Variants in RFC2 observed in about 807,000 individuals in gnomAD.
RFC2 encodes the protein replication factor C subunit 2, also known as A1 40 kDa subunit.
A neutral mutation model predicts 44.8 loss-of-function variants in RFC2; 34 were observed. That is an observed-to-expected ratio of 0.76 (90% confidence interval 0.58 to 1.01). RFC2 has a LOEUF of 1.01. Among genes scored for constraint, RFC2 ranks in the 50% least tolerant of loss-of-function variants. RFC2 has a pLI of 0.00. For synonymous variants in RFC2, 177 were observed against 168.9 expected (o/e 1.05, Z -0.37); for missense variants, 400 against 453.6 (o/e 0.88, Z 1.07).
intron 1 of RFC2, among the ~76,000 whole-genome samples, chr7:74,253,125 C>G (rs1332794030): frequency 6.6e-6 from 1 of 152,118 alleles, no homozygotes; most frequent in Non-Finnish European, 1.5e-5. Flanking sequence ...GTCCGCCCGT[C>G]ACAAGAGGCC....
intron 9 of RFC2, 36 bp downstream of exon 9, chr7:74,237,326 C>T (rs370739926): frequency 1.4e-5 from 20 of 1,477,282 alleles, no homozygotes; most frequent in East Asian, 2.3e-5. Flanking sequence ...AAGAAGTGAG[C>T]GGTTCCTCTG....
intron 5 of RFC2, among the ~76,000 whole-genome samples, chr7:74,243,785 C>T (rs762051204): frequency 8.3e-4 from 124 of 150,136 alleles, no homozygotes; most frequent in Non-Finnish European, 1.5e-3. Flanking sequence ...CAAAGTAAGA[C>T]CTCTATTTCT....
intron 6 of RFC2, among the ~76,000 whole-genome samples, chr7:74,240,848 A>T (rs1384271906): frequency 1.3e-5 from 2 of 151,580 alleles, no homozygotes; most frequent in Non-Finnish European, 2.9e-5. Context: ...CTGCTCTCGA[A>T]CTCCTGGCCT....
At chr7:74,233,444 A>G (rs530343476) in intron 10 of RFC2, among the ~76,000 whole-genome samples, 1 of 152,312 alleles carries the variant, frequency 6.6e-6, no homozygotes, top group African/African-American at 2.4e-5. Flanking sequence ...AAAAATGGGT[A>G]TATATGAACA....
chr7:74,243,001 T>C, intron 6 of RFC2, 145 bp downstream of exon 6: 2 of 582,624 alleles, frequency 3.4e-6, no homozygotes, highest in Non-Finnish European at 3.1e-6. Context: ...GGAAGACCAC[T>C]TGAGCACAGG....
At chr7:74,252,997 A>C (rs1488480188) in intron 1 of RFC2, among the ~76,000 whole-genome samples, 4 of 152,234 alleles carry the variant, frequency 2.6e-5, no homozygotes, top group Non-Finnish European at 5.9e-5. Flanking sequence ...GAAAAGTTAA[A>C]GGCATGAGAA....
At chr7:74,253,398 C>T (rs781935316) in intron 1 of RFC2, among the ~76,000 whole-genome samples, 1 of 151,992 alleles carries the variant, frequency 6.6e-6, no homozygotes, top group South Asian at 2.1e-4. Context: ...TTTCTGCAGA[C>T]GTGTGCCAAA....
intron 10 of RFC2, among the ~76,000 whole-genome samples, chr7:74,232,877 G>A (rs782780846): frequency 1.9e-4 from 29 of 150,198 alleles, no homozygotes; most frequent in Non-Finnish European, 2.7e-4. Context: ...AAATAAATAA[G>A]TAAATAAATT....
At chr7:74,242,286 G>A (rs1266140304) in intron 6 of RFC2, among the ~76,000 whole-genome samples, 1 of 152,174 alleles carries the variant, frequency 6.6e-6, no homozygotes, top group African/African-American at 2.4e-5. Flanking sequence ...GAGTGCAAGA[G>A]GGTGATAGAA....
chr7:74,234,305 G>A (rs550923233), intron 10 of RFC2, among the ~76,000 whole-genome samples: 9 of 152,146 alleles, frequency 5.9e-5, no homozygotes, highest in South Asian at 2.1e-4. Context: ...AGTGGTAGTC[G>A]GGGAGGGGGC....
At chr7:74,249,882 A>G in intron 2 of RFC2, 102 bp from the exon 3 acceptor site, 3 of 1,005,718 alleles carry the variant, frequency 3.0e-6, no homozygotes, top group Non-Finnish European at 4.8e-6. Flanking sequence ...AACTCGGCTG[A>G]GCACAATGGC....
Position 74,232,035 on chromosome 7 carries a change from C to T in RFC2, c.*71G>A. Reference sequence around the variant, plus strand: ...GGCTCCAGCCTAAGGCGGCATTTTCCCCCATCAGAAAGCCGCGGCTCCTGT... The same window carrying T: ...GGCTCCAGCCTAAGGCGGCATTTTCTCCCATCAGAAAGCCGCGGCTCCTGT... On this transcript the variant is annotated 3_prime_UTR_variant, in exon 11 of 11. Transcript: ENST00000055077. The T allele has an allele frequency of 1.1e-6, 1 of 911,496 alleles. No individual in the cohort carries two copies. 56.5% of individuals were successfully genotyped at this position (911,496 alleles called of 1,614,324 possible).
chr7:74,240,210 G>A (rs1261282277), intron 6 of RFC2, 115 bp from the exon 7 acceptor site: 2 of 923,296 alleles, frequency 2.2e-6, no homozygotes, highest in African/African-American at 3.3e-5. Context: ...GCACTCAATA[G>A]AGACTTGGTA....
intron 5 of RFC2, among the ~76,000 whole-genome samples, chr7:74,243,752 G>A (rs1554719569): frequency 6.7e-6 from 1 of 150,124 alleles, no homozygotes; most frequent in Non-Finnish European, 1.5e-5. Flanking sequence ...TTGAGACCAG[G>A]AGTTCGAGAC....
chr7:74,238,817 G>C lies in RFC2; in HGVS notation c.759+106C>G. The stretch of plus-strand genomic sequence containing the variant: ...GGTGGGCTCCCTGGCACCCACAAGA[G>C]CAGCTAGATGTCCGTCCCCACTGCC... On this transcript the variant is annotated intron_variant, in intron 8 of 10. Transcript: ENST00000055077. This position sits in a 1 kb window ranked among gnomAD's most constrained non-coding sequence, Gnocchi z 4.0. The C allele has an allele frequency of 1.2e-6, 1 of 845,010 alleles. No individual in the cohort carries two copies. The highest frequency in any genetic ancestry group is 1.7e-5 in the African/African-American group (1 of 60,282). 52.3% of individuals were successfully genotyped at this position (845,010 alleles called of 1,614,324 possible).
intron 10 of RFC2, among the ~76,000 whole-genome samples, chr7:74,232,427 T>G (rs981346353): frequency 7.3e-6 from 1 of 136,538 alleles, no homozygotes; most frequent in African/African-American, 2.7e-5. Flanking sequence ...CTTAAAAGGA[T>G]GCTGATAGTT....
intron 4 of RFC2, among the ~76,000 whole-genome samples, chr7:74,248,505 GT>G (rs111896800): frequency 7.6e-4 from 110 of 144,782 alleles, no homozygotes; most frequent in East Asian, 2.2e-3. Context: ...AAACTAGTTG[GT>G]TTTTTTTTTT....
chr7:74,242,394 C>T (rs1803381811), intron 6 of RFC2, among the ~76,000 whole-genome samples: 1 of 152,052 alleles, frequency 6.6e-6, no homozygotes, highest in Non-Finnish European at 1.5e-5. Context: ...TTCCTTAGAT[C>T]CTAAACATCA....
At chr7:74,240,148 C>T in intron 6 of RFC2, 53 bp from the exon 7 acceptor site, 1 of 1,541,660 alleles carries the variant, frequency 6.5e-7, no homozygotes, top group Admixed American at 1.7e-5. Context: ...CGGCATCATC[C>T]TGCTAGCTCT....
Sources: allele counts gnomAD v4.1 joint callset (sites outside exome capture counted in the v4.1 genomes callset), GRCh38; gene constraint gnomAD v4.1.1; non-coding constraint Gnocchi (gnomAD v3.1); transcripts MANE v1.5; gene names NCBI Gene and HGNC (gene_info 2026-07-23, HGNC 2026-07-21).